RALYL: variants seen among roughly 807,000 people sequenced by gnomAD.
RALYL encodes RNA-binding Raly-like protein.
A neutral mutation model predicts 35.1 loss-of-function variants in RALYL; 29 were observed. That is an observed-to-expected ratio of 0.83 (90% CI 0.61 to 1.13). RALYL has a LOEUF of 1.13. Ranked by LOEUF, RALYL falls within the 50% of genes most tolerant of loss-of-function variation. The pLI is 0.00. For missense variants in RALYL, 359 were observed against 360.4 expected, an observed-to-expected ratio of 1.00 and a Z score of 0.03; for synonymous variants, 120 against 127.6, an observed-to-expected ratio of 0.94 and a Z score of 0.40.
intron 2 of RALYL, among the ~76,000 whole-genome samples, chr8:84,668,618 A>C (rs181175271): frequency 2.8e-4 from 43 of 152,096 alleles, no homozygotes; most frequent in African/African-American, 1.0e-3. Context: ...GAATAATCAC[A>C]GTTGGCATTA....
At chr8:84,837,379 A>G (rs920014788) in intron 4 of RALYL, among the ~76,000 whole-genome samples, 2 of 152,174 alleles carry the variant, frequency 1.3e-5, no homozygotes, top group African/African-American at 2.4e-5. Flanking sequence ...TATTATTGGC[A>G]AGATGTTTGC....
intron 2 of RALYL, among the ~76,000 whole-genome samples, chr8:84,756,175 C>T (rs927363915): frequency 6.6e-6 from 1 of 151,906 alleles, no homozygotes; most frequent in Non-Finnish European, 1.5e-5. Context: ...CCCAAAAAAA[C>T]CAATAAGATT....
intron 2 of RALYL, among the ~76,000 whole-genome samples, chr8:84,728,924 G>C: frequency 6.6e-6 from 1 of 152,142 alleles, no homozygotes; most frequent in Non-Finnish European, 1.5e-5. Flanking sequence ...CTCCAGCTTT[G>C]TTCTTTTGGC....
At chr8:84,604,948 CTA>C (rs942186362) in intron 2 of RALYL, among the ~76,000 whole-genome samples, 16 of 150,716 alleles carry the variant, frequency 1.1e-4, no homozygotes, top group African/African-American at 3.9e-4. Flanking sequence ...AGTTTTGAAA[CTA>C]TGCTGGGACA....
At chr8:84,328,742 A>G (rs1315117708) in intron 1 of RALYL, among the ~76,000 whole-genome samples, 1 of 152,102 alleles carries the variant, frequency 6.6e-6, no homozygotes, top group African/African-American at 2.4e-5. Flanking sequence ...CAGTTAGTCA[A>G]CCTTTGTCCA....
At chr8:84,545,359 T>G (rs2060284643) in intron 2 of RALYL, among the ~76,000 whole-genome samples, 1 of 152,160 alleles carries the variant, frequency 6.6e-6, no homozygotes, top group African/African-American at 2.4e-5. Context: ...GGCTGGACAG[T>G]CCTACTCCAT....
At chr8:84,486,253 A>C (rs1165708177) in intron 1 of RALYL, among the ~76,000 whole-genome samples, 1 of 148,854 alleles carries the variant, frequency 6.7e-6, no homozygotes, top group Non-Finnish European at 1.5e-5. Flanking sequence ...ACAATATAAA[A>C]ATTATTCAAC....
chr8:84,508,323 C>G (rs1298283130), intron 1 of RALYL, among the ~76,000 whole-genome samples: 1 of 152,124 alleles, frequency 6.6e-6, no homozygotes, highest in Non-Finnish European at 1.5e-5. Flanking sequence ...CTGCATCACA[C>G]ATAGGAAGGC....
chr8:84,524,628 C>T (rs555095191), intron 1 of RALYL, among the ~76,000 whole-genome samples: 1 of 152,084 alleles, frequency 6.6e-6, no homozygotes, highest in Non-Finnish European at 1.5e-5. Flanking sequence ...AATATTTTAT[C>T]TAAAGCACAT....
chr8:84,578,096 G>A (rs1252845652), intron 2 of RALYL, among the ~76,000 whole-genome samples: 1 of 152,174 alleles, frequency 6.6e-6, no homozygotes, highest in Non-Finnish European at 1.5e-5. Context: ...CCAAGGGTGA[G>A]CCAGGCACAG....
chr8:84,463,094 A>G (rs753036005), intron 1 of RALYL, among the ~76,000 whole-genome samples: 9 of 152,086 alleles, frequency 5.9e-5, no homozygotes, highest in African/African-American at 1.7e-4. Context: ...CATATTTGTT[A>G]GAGTGTCTTT....
intron 1 of RALYL, among the ~76,000 whole-genome samples, chr8:84,263,462 T>TA (rs1257492495): frequency 4.1e-5 from 6 of 147,324 alleles, no homozygotes; most frequent in Admixed American, 2.7e-4. Context: ...GTATAATGTA[T>TA]AAAAAATCTA....
chr8:84,185,011 C>T (rs1812137015), intron 1 of RALYL: 7 of 1,613,966 alleles, frequency 4.3e-6, no homozygotes, highest in Non-Finnish European at 5.9e-6. Flanking sequence ...GAGTAAACGA[C>T]GCAGTAGGTC....
intron 1 of RALYL, among the ~76,000 whole-genome samples, chr8:84,297,765 T>C (rs1355924574): frequency 2.6e-5 from 4 of 152,252 alleles, no homozygotes; most frequent in East Asian, 1.9e-4. Context: ...AAATATCTCA[T>C]TGTGGTTTTG....
chr8:84,853,580 T>C (rs1233408620), intron 5 of RALYL, among the ~76,000 whole-genome samples: 3 of 152,210 alleles, frequency 2.0e-5, no homozygotes, highest in African/African-American at 2.4e-5. Context: ...CATGGAAGTA[T>C]GAAATAGATC....
In RALYL at chr8:84,782,031, G is replaced by GCGCA. The variant is rs1474786574; in HGVS notation, c.332+7378_332+7379insGCAC. On this transcript the variant is annotated intron_variant, in intron 3 of 8. Transcript: ENST00000521268. The stretch of plus-strand genomic sequence containing the variant: ...ATACGTGCATGCTGTGCACACGCGC[G>GCGCA]CACACACACACACACACACACACAC... Among the ~76,000 whole-genome samples, 15 of 148,650 alleles carry GCGCA rather than the reference G, an allele frequency of 1.0e-4. No homozygotes were observed. The Middle Eastern group carries it at 0.01, about 103-fold the overall frequency.
chr8:84,912,297 T>C (rs1425941159), intron 8 of RALYL, among the ~76,000 whole-genome samples: 1 of 152,046 alleles, frequency 6.6e-6, no homozygotes, highest in Non-Finnish European at 1.5e-5. Flanking sequence ...CCTATCACCC[T>C]TATCATTTAG....
chr8:84,466,961 T>C (rs2133555669), intron 1 of RALYL, among the ~76,000 whole-genome samples: 1 of 152,294 alleles, frequency 6.6e-6, no homozygotes, highest in South Asian at 2.1e-4. Flanking sequence ...TGATGGTAGT[T>C]TGTATTTCTG....
chr8:84,885,848 G>A (rs1424546923), intron 7 of RALYL, among the ~76,000 whole-genome samples: 2 of 152,034 alleles, frequency 1.3e-5, no homozygotes, highest in African/African-American at 2.4e-5. Flanking sequence ...AGAGCATACC[G>A]TCTACCTTTT....
Sources: allele counts gnomAD v4.1 joint callset (sites outside exome capture counted in the v4.1 genomes callset), GRCh38; gene constraint gnomAD v4.1.1; transcripts MANE v1.5; gene names NCBI Gene and HGNC (gene_info 2026-07-23, HGNC 2026-07-21).